Variants in UBE2T observed in about 807,000 individuals in gnomAD.
UBE2T encodes the protein ubiquitin conjugating enzyme E2 T, also known as ubiquitin-conjugating enzyme E2 T.
In UBE2T, 15 loss-of-function variants were observed where a neutral mutation model predicts 23.3. That is an observed-to-expected ratio of 0.64 (90% CI 0.43 to 0.99). The LOEUF is 0.99. UBE2T is among the 50% of genes least tolerant of loss of function. The pLI is 0.00. For missense variants in UBE2T, 197 were observed against 234.9 expected (o/e 0.84, Z 1.05); for synonymous variants, 67 against 78.4 (o/e 0.85, Z 0.77).
chr1:202,331,827 C>A lies in UBE2T; in HGVS notation c.*8G>T, dbSNP rs1444534057. ...ACACATTAACTAAGATGAACCAGGA[C>A]AAGTCCCCTAAACATCAGGATGAAA... On this transcript the variant is annotated 3_prime_UTR_variant, in exon 7 of 7. Coordinates refer to ENST00000646651, the MANE Select transcript of UBE2T (RefSeq NM_014176.4). 6.2e-7 allele frequency: 1 copy of A among 1,613,914 alleles called. No individual in the cohort carries two copies. Among genetic ancestry groups the A allele is most frequent in the Non-Finnish European group, 8.5e-7 (1 of 1,179,972 alleles).
At chr1:202,336,302 A>G (rs1654883321) in intron 1 of UBE2T, among the ~76,000 whole-genome samples, 1 of 142,680 alleles carries the variant, frequency 7.0e-6, no homozygotes, top group African/African-American at 2.7e-5. Flanking sequence ...GCTCACTGCA[A>G]TCTCCACCTG....
chr1:202,334,947 A>G lies in UBE2T; in HGVS notation c.179+42T>C, dbSNP rs374876953. ...CATTGCTCTGTCTCCCAATTTATAA[A>G]TGCACTTCACCATGTAGGTTGAGAA... On this transcript the variant is annotated intron_variant, in intron 3 of 6. Coordinates refer to ENST00000646651, the MANE Select transcript of UBE2T (RefSeq NM_014176.4). 7.5e-4 allele frequency: 1,180 copies of G among 1,574,134 alleles called. 16 individuals are homozygous for G. The Admixed American group carries it at 0.018, about 24-fold the overall frequency.
rs575322326 is a variant in UBE2T at position 202,338,287 on chromosome 1, T to C, written c.-64-2469A>G. On this transcript the variant is annotated intron_variant, in intron 1 of 6. Coordinates refer to ENST00000646651, the MANE Select transcript of UBE2T (RefSeq NM_014176.4). ...CAGGCTGGAGTGCAATGGTGTGCTC[T>C]TGGCTCACCGCAATCTCCACCTCCT... Among the ~76,000 whole-genome samples, 26 of 152,178 alleles carry C rather than the reference T, an allele frequency of 1.7e-4. 2 individuals carry two copies. In the South Asian group the frequency reaches 5.4e-3, roughly 32 times the overall value.
intron 1 of UBE2T, among the ~76,000 whole-genome samples, chr1:202,336,286 A>G (rs1415251723): frequency 1.4e-5 from 2 of 138,588 alleles, no homozygotes; most frequent in Non-Finnish European, 3.0e-5. Flanking sequence ...CAGTGGCACA[A>G]TCTCAGCTCA....
intron 6 of UBE2T, among the ~76,000 whole-genome samples, chr1:202,332,447 G>C (rs964926100): frequency 6.6e-6 from 1 of 152,174 alleles, no homozygotes; most frequent in Admixed American, 6.5e-5. Context: ...AAATTAACCA[G>C]ATGCTGCCTG....
chr1:202,335,968 G>A lies in UBE2T; in HGVS notation c.-64-150C>T, dbSNP rs1654873593. 1.9e-6 allele frequency: 1 copy of A among 536,036 alleles called. No individual in the cohort carries two copies. Among genetic ancestry groups the A allele is most frequent in the South Asian group, 2.5e-5 (1 of 40,728 alleles). 33.2% of individuals were successfully genotyped at this position (536,036 alleles called of 1,614,324 possible). On this transcript the variant is annotated intron_variant, in intron 1 of 6. Transcript: ENST00000646651. This position sits in a 1 kb window ranked among gnomAD's most constrained non-coding sequence, Gnocchi z 4.0. Reference sequence around the variant, plus strand: ...ACTCTGTCACCCAGACTGGAGGGCAGTGACACCATCTCAGCTCACTGCAAT... The same window carrying A: ...ACTCTGTCACCCAGACTGGAGGGCAATGACACCATCTCAGCTCACTGCAAT...
In UBE2T at chr1:202,339,599, C is replaced by CAAAAAAAAAAAAAAAAAAAA; in HGVS notation, c.-65+2276_-65+2295dup. On this transcript the variant is annotated intron_variant, in intron 1 of 6. Transcript: ENST00000646651. ...TGGGCGATAGATTAGGACTCTGTCT[C>CAAAAAAAAAAAAAAAAAAAA]AAAAAAAAAAAAAAAAAAAAAAACA... Among the ~76,000 whole-genome samples, 2 of 79,052 alleles carry CAAAAAAAAAAAAAAAAAAAA rather than the reference C, an allele frequency of 2.5e-5. 1 individual carries two copies. Among genetic ancestry groups the CAAAAAAAAAAAAAAAAAAAA allele is most frequent in the Non-Finnish European group, 5.3e-5 (2 of 37,748 alleles). 51.9% of individuals were successfully genotyped at this position (79,052 alleles called of 152,430 possible). A position where few individuals can be genotyped will look rare whatever the true frequency, so the allele number is the denominator to read the frequency against.
chr1:202,338,176 C>A (rs146131990), intron 1 of UBE2T, among the ~76,000 whole-genome samples: 1 of 152,192 alleles, frequency 6.6e-6, no homozygotes, highest in African/African-American at 2.4e-5. Flanking sequence ...TTCAAAAACA[C>A]TATTTTCTAC....
chr1:202,341,353 C>T (rs1404744238), intron 1 of UBE2T, among the ~76,000 whole-genome samples: 1 of 151,372 alleles, frequency 6.6e-6, no homozygotes, highest in African/African-American at 2.4e-5. Context: ...CCGAGGCGGG[C>T]GGATCACGAG....
intron 3 of UBE2T, 115 bp downstream of exon 3, chr1:202,334,874 C>A: frequency 1.1e-6 from 1 of 940,228 alleles, no homozygotes; most frequent in South Asian, 1.9e-5. Flanking sequence ...CACCTTAAGT[C>A]ATGATAAGGC....
intron 1 of UBE2T, among the ~76,000 whole-genome samples, chr1:202,339,385 G>A (rs905446757): frequency 4.0e-5 from 6 of 151,332 alleles, no homozygotes; most frequent in African/African-American, 1.2e-4. Flanking sequence ...GTTTATCTGT[G>A]CCATCTTTTC....
At chr1:202,336,192 G>GTGAGCCAA (rs1654878468) in intron 1 of UBE2T, among the ~76,000 whole-genome samples, 1 of 150,238 alleles carries the variant, frequency 6.7e-6, no homozygotes, top group Admixed American at 6.7e-5. Flanking sequence ...GATTACAGGC[G>GTGAGCCAA]TGAGCCAATG....
At position 202,335,058 on chromosome 1, in the gene UBE2T, T is replaced by G; in HGVS notation, c.110A>C (p.Gln37Pro). ...AGGTGTGTTGGCTCCACCTAATATT[T>G]CTTAAAAGAAAAAAGAAAGAAAAAG... ...DKDQMDDLRAQILGGANTPYE... is the reference protein window; with the variant it reads ...DKDQMDDLRAPILGGANTPYE... The change falls in exon 3 of 7, where the codon CAA becomes CCA. Residue 37 changes from glutamine (Q) to proline (P), a missense_variant and splice_region_variant. Coordinates refer to ENST00000646651, the MANE Select transcript of UBE2T (RefSeq NM_014176.4). This position sits in a 1 kb window ranked among gnomAD's most constrained non-coding sequence, Gnocchi z 4.0. The G allele has an allele frequency of 6.2e-7, 1 of 1,607,642 alleles. No homozygotes were observed.
chr1:202,340,082 G>C (rs1654967712), intron 1 of UBE2T, among the ~76,000 whole-genome samples: 1 of 151,238 alleles, frequency 6.6e-6, no homozygotes, highest in African/African-American at 2.4e-5. Flanking sequence ...CGGGGGTGGA[G>C]GCCTGTAATC....
At position 202,335,754 on chromosome 1, in the gene UBE2T, T is replaced by TC. The variant is rs774107243; in HGVS notation, c.-1_1insG. The TC allele has an allele frequency of 2.5e-6, 4 of 1,613,922 alleles. No homozygotes were observed. The East Asian group carries it at 8.9e-5, about 36-fold the overall frequency. ...CTCTTCAGACGTGAAGCTCTCTGCA[T>TC]GATCCCCAAGTAGAAGGAACCACAC... On this transcript the variant is annotated 5_prime_UTR_variant, in exon 2 of 7. Coordinates refer to ENST00000646651, the MANE Select transcript of UBE2T (RefSeq NM_014176.4). The surrounding 1 kb of genome is among the most constrained non-coding windows in gnomAD (Gnocchi z 4.0).
In UBE2T at chr1:202,339,613, A is replaced by C. The variant is rs975957720; in HGVS notation, c.-65+2282T>G. On this transcript the variant is annotated intron_variant, in intron 1 of 6. Coordinates refer to ENST00000646651, the MANE Select transcript of UBE2T (RefSeq NM_014176.4). ...GGACTCTGTCTCAAAAAAAAAAAAA[A>C]AAAAAAAAACATCTTCGTCCAAACA... Among the ~76,000 whole-genome samples, 188 of 151,906 alleles carry C rather than the reference A, an allele frequency of 1.2e-3. 2 individuals are homozygous for C. The highest frequency in any genetic ancestry group is 4.4e-3 in the African/African-American group (181 of 41,470).
At chr1:202,341,564 C>A (rs949952919) in intron 1 of UBE2T, among the ~76,000 whole-genome samples, 2 of 106,578 alleles carry the variant, frequency 1.9e-5, no homozygotes, top group Non-Finnish European at 3.4e-5. Flanking sequence ...GGCGACAGAG[C>A]GAGACTCCGT....
In UBE2T at chr1:202,338,632, T is replaced by C. The variant is rs182255134; in HGVS notation, c.-64-2814A>G. Among the ~76,000 whole-genome samples the C allele has an allele frequency of 6.2e-4, 94 of 152,172 alleles. No homozygotes were observed. The Middle Eastern group carries it at 0.01, about 17-fold the overall frequency. ...CACTGCCAATCATGTCATCCACATATAATCAAGTTTATTTCTTCCCTTCTA... is the reference window on the plus strand; with the variant it reads ...CACTGCCAATCATGTCATCCACATACAATCAAGTTTATTTCTTCCCTTCTA... On this transcript the variant is annotated intron_variant, in intron 1 of 6. Coordinates refer to ENST00000646651, the MANE Select transcript of UBE2T (RefSeq NM_014176.4).
intron 1 of UBE2T, among the ~76,000 whole-genome samples, chr1:202,336,911 C>G (rs188466987): frequency 5.2e-4 from 79 of 152,288 alleles, no homozygotes; most frequent in Non-Finnish European, 9.3e-4. Flanking sequence ...CTTCTCAACT[C>G]TAGTTCTCTC....
Sources: allele counts gnomAD v4.1 joint callset (sites outside exome capture counted in the v4.1 genomes callset), GRCh38; gene constraint gnomAD v4.1.1; non-coding constraint Gnocchi (gnomAD v3.1); transcripts MANE v1.5; gene names NCBI Gene and HGNC (gene_info 2026-07-23, HGNC 2026-07-21).